Variants in IARS2 observed in about 807,000 individuals in gnomAD.
The protein encoded by IARS2 is isoleucine--tRNA ligase, mitochondrial.
A neutral mutation model predicts 126.3 loss-of-function variants in IARS2; 56 were observed. The observed-to-expected ratio is 0.44, with a 90% confidence interval of 0.36 to 0.55. The LOEUF (loss-of-function observed/expected upper bound fraction) is 0.55. IARS2 is among the 20% of genes least tolerant of loss of function. IARS2 has a pLI of 0.00. For synonymous variants in IARS2, 407 were observed against 441.1 expected, an observed-to-expected ratio of 0.92 and a Z score of 0.97; for missense variants, 1,127 against 1,245.9, an observed-to-expected ratio of 0.90 and a Z score of 1.44.
intron 8 of IARS2, 147 bp from the exon 9 acceptor site, chr1:220,105,744 A>G (rs1656666607): frequency 6.3e-6 from 4 of 636,200 alleles, no homozygotes; most frequent in Non-Finnish European, 1.1e-5. Flanking sequence ...AGAAGGTCAC[A>G]GAACAAGTTA....
rs1205166628 is a variant in IARS2 at position 220,102,546 on chromosome 1, T to C, written c.801T>C (p.Arg267=). 2 of 1,614,056 alleles carry C rather than the reference T, an allele frequency of 1.2e-6. 1 individual carries two copies. Among genetic ancestry groups the C allele is most frequent in the South Asian group, 2.2e-5 (2 of 91,086 alleles). The change falls in exon 6 of 23, where the codon CGT becomes CGC. Residue 267 remains arginine (R), a synonymous_variant. Coordinates refer to ENST00000366922, the MANE Select transcript of IARS2 (RefSeq NM_018060.4). ...AATATAATCCTGAGCATGTCAGTCGTTCAATATATGTAAAATTTCCTCTCT... is the reference window on the plus strand; with the variant it reads ...AATATAATCCTGAGCATGTCAGTCGCTCAATATATGTAAAATTTCCTCTCT... ...ELEYNPEHVS[R]SIYVKFPLLK...
intron 2 of IARS2, among the ~76,000 whole-genome samples, chr1:220,097,632 G>A (rs914900386): frequency 3.3e-5 from 5 of 151,984 alleles, no homozygotes; most frequent in African/African-American, 1.2e-4. Context: ...CAAAGTGCTG[G>A]GATTACAGGC....
chr1:220,147,419 C>G, intron 22 of IARS2, 74 bp from the exon 23 acceptor site: 1 of 1,468,460 alleles, frequency 6.8e-7, no homozygotes, highest in South Asian at 1.2e-5. Context: ...AAAGAAGCCT[C>G]TGCTAAACCA....
chr1:220,133,917 A>G (rs1346445191), intron 14 of IARS2, among the ~76,000 whole-genome samples: 1 of 152,022 alleles, frequency 6.6e-6, no homozygotes, highest in Non-Finnish European at 1.5e-5. Context: ...TTAACTGTCT[A>G]TAGAACTTAT....
Position 220,117,184 on chromosome 1 carries a change from CTTTTTTTTTTTT to C in IARS2, c.1640+2723_1640+2734del, listed in dbSNP as rs1192537887. ...ATAAGCCATGTCATTGTCTCCTCTT[CTTTTTTTTTTTT>C]TTTTTTTTTTTTGAGATGGAGTTTC... On this transcript the variant is annotated intron_variant, in intron 12 of 22. Coordinates refer to ENST00000366922, the MANE Select transcript of IARS2 (RefSeq NM_018060.4). 1.9e-4 allele frequency among the ~76,000 whole-genome samples: 9 copies of C among 48,460 alleles called. No individual in the cohort carries two copies. The South Asian group carries it at 3.8e-3, about 21-fold the overall frequency. The allele number at this position is 48,460 out of a possible 152,430, so 31.8% of individuals were successfully genotyped here. A position where few individuals can be genotyped will look rare whatever the true frequency, so the allele number is the denominator to read the frequency against.
chr1:220,105,498 A>G (rs1274903602), intron 8 of IARS2, among the ~76,000 whole-genome samples: 2 of 152,194 alleles, frequency 1.3e-5, no homozygotes, highest in African/African-American at 4.8e-5. Flanking sequence ...TTATTAAAGT[A>G]GTAGGAATGT....
chr1:220,134,507 ATAAG>A lies in IARS2; in HGVS notation c.1946+4_1946+7del, dbSNP rs749125608. On this transcript the variant is annotated splice_donor_variant and coding_sequence_variant, in exon 15 of 23. Transcript: ENST00000366922. LOFTEE classifies it high-confidence loss of function. ...GTGGCAGCAAGGAAGAGAGCACCTT[ATAAG>A]TAAGTATTTATGCCTGAACCAACCT... 6.2e-7 allele frequency: 1 copy of A among 1,605,874 alleles called. No homozygotes were observed. Among genetic ancestry groups the A allele is most frequent in the Non-Finnish European group, 8.5e-7 (1 of 1,174,508 alleles).
Position 220,126,803 on chromosome 1 carries a change from C to A in IARS2, c.1797C>A (p.Ile599=). 6.2e-7 allele frequency: 1 copy of A among 1,613,330 alleles called. No homozygotes were observed. The highest frequency in any genetic ancestry group is 8.5e-7 in the Non-Finnish European group (1 of 1,179,872). ...TGCCAGGTCAGGATATTTTGGACAT[C>A]TGGTTTGATAGCGGAACTTCATGGT... The part of the protein sequence containing the change: ...EYVPGQDILD[I]WFDSGTSWSY... The change falls in exon 14 of 23, where the codon ATC becomes ATA. Residue 599 remains isoleucine, a synonymous_variant. Coordinates refer to ENST00000366922, the MANE Select transcript of IARS2 (RefSeq NM_018060.4).
chr1:220,117,346 C>G (rs1360886948), intron 12 of IARS2, among the ~76,000 whole-genome samples: 1 of 151,664 alleles, frequency 6.6e-6, no homozygotes, highest in African/African-American at 2.4e-5. Context: ...CATGTGCCAC[C>G]ACGCCCGGCT....
At chr1:220,094,956 C>T (rs886250827) in intron 1 of IARS2, among the ~76,000 whole-genome samples, 40 of 151,014 alleles carry the variant, frequency 2.6e-4, no homozygotes, top group Non-Finnish European at 4.7e-4. Flanking sequence ...GGCTAGTCAC[C>T]CCCACCCCCC....
intron 2 of IARS2, among the ~76,000 whole-genome samples, chr1:220,096,562 G>T (rs1656447435): frequency 6.6e-6 from 1 of 152,184 alleles, no homozygotes; most frequent in Non-Finnish European, 1.5e-5. Context: ...TTGGCCCACA[G>T]ATATCAATAA....
At position 220,105,953 on chromosome 1, in the gene IARS2, T is replaced by C; in HGVS notation, c.1129T>C (p.Leu377=). Residue 377 remains leucine (L), a synonymous_variant, in exon 9 of 23, where the codon TTA becomes CTA. Coordinates refer to ENST00000366922, the MANE Select transcript of IARS2 (RefSeq NM_018060.4). ...AATTCCTGATAAAGCCTCTCCTCTT[T>C]TACCTGCAAATCATGTGACCATGGC... The part of the protein sequence containing the change: ...PLIPDKASPL[L]PANHVTMAKG... The C allele has an allele frequency of 6.2e-7, 1 of 1,614,132 alleles. No individual in the cohort carries two copies. The highest frequency in any genetic ancestry group is 8.5e-7 in the Non-Finnish European group (1 of 1,179,970).
Position 220,138,020 on chromosome 1 carries a change from G to C in IARS2, c.2152G>C (p.Ala718Pro). 6.2e-7 allele frequency: 1 copy of C among 1,614,104 alleles called. No individual in the cohort carries two copies. The highest frequency in any genetic ancestry group is 8.5e-7 in the Non-Finnish European group (1 of 1,179,998). The change falls in exon 17 of 23, where the codon GCT becomes CCT. Residue 718 changes from alanine (A) to proline (P), a missense_variant. Transcript: ENST00000366922. Reference sequence around the variant, plus strand: ...TGCAATTGGCCCATCCGTGCTCAATGCTGCCAGAGATGATATTAGCAAGGT... The same window carrying C: ...TGCAATTGGCCCATCCGTGCTCAATCCTGCCAGAGATGATATTAGCAAGGT... ...EVAIGPSVLN[A>P]ARDDISKLRN...
chr1:220,134,650 G>A, intron 15 of IARS2, 140 bp downstream of exon 15: 1 of 453,602 alleles, frequency 2.2e-6, no homozygotes, highest in Non-Finnish European at 3.9e-6. Context: ...AAAGAGAAAG[G>A]AAAAAGGAGA....
intron 21 of IARS2, among the ~76,000 whole-genome samples, chr1:220,143,524 T>G (rs1657529624): frequency 6.6e-6 from 1 of 152,086 alleles, no homozygotes; most frequent in Non-Finnish European, 1.5e-5. Flanking sequence ...ATAGATAAAG[T>G]TCTGTTTCAA....
intron 14 of IARS2, among the ~76,000 whole-genome samples, chr1:220,132,733 C>G (rs1414739576): frequency 2.0e-5 from 3 of 151,818 alleles, no homozygotes; most frequent in Non-Finnish European, 4.4e-5. Flanking sequence ...ACCATCTTGG[C>G]CAGGCTGGTC....
chr1:220,138,473 A>G (rs946962388), intron 17 of IARS2, among the ~76,000 whole-genome samples: 1 of 152,172 alleles, frequency 6.6e-6, no homozygotes, highest in Non-Finnish European at 1.5e-5. Flanking sequence ...TTGTCTCAAA[A>G]AAAACAAAAA....
intron 14 of IARS2, among the ~76,000 whole-genome samples, chr1:220,132,105 T>C (rs1453466046): frequency 2.6e-5 from 4 of 152,096 alleles, no homozygotes; most frequent in Non-Finnish European, 5.9e-5. Flanking sequence ...CTGTTGAGGA[T>C]TTTTGTGTCT....
intron 12 of IARS2, 102 bp downstream of exon 12, chr1:220,114,576 A>G: frequency 1.2e-6 from 1 of 824,202 alleles, no homozygotes; most frequent in East Asian, 2.7e-5. Context: ...ATATATGTTA[A>G]ATAAAATATG....
Sources: gnomAD v4.1 joint callset for allele counts (sites outside exome capture counted in the v4.1 genomes callset) on GRCh38, gnomAD v4.1.1 for gene constraint, MANE v1.5 for transcripts, NCBI Gene and HGNC (gene_info 2026-07-23, HGNC 2026-07-21) for gene names.